GRIA2: variants seen among roughly 807,000 people sequenced by gnomAD.
GRIA2 encodes the protein glutamate ionotropic receptor AMPA type subunit 2.
GRIA2 carries 14 observed loss-of-function variants against 97.3 expected under a neutral mutation model. The observed-to-expected ratio is 0.14, with a 90% CI of 0.10 to 0.23. GRIA2 has a LOEUF of 0.23. Among genes scored for constraint, GRIA2 ranks in the 10% least tolerant of loss-of-function variants. The pLI, the probability that GRIA2 is intolerant of heterozygous loss-of-function variation, is 1.00. For missense variants in GRIA2, 558 were observed against 1,069.8 expected (o/e 0.52, Z 6.67); for synonymous variants, 412 against 387.8 (o/e 1.06, Z -0.73).
intron 11 of GRIA2, among the ~76,000 whole-genome samples, chr4:157,337,994 G>GTA (rs1579374788): frequency 1.5e-5 from 2 of 136,720 alleles, no homozygotes; most frequent in East Asian, 4.3e-4. Context: ...TGACATATGT[G>GTA]TGTATATATA....
At chr4:157,279,530 G>A (rs1732499217) in intron 2 of GRIA2, among the ~76,000 whole-genome samples, 4 of 152,182 alleles carry the variant, frequency 2.6e-5, no homozygotes, top group African/African-American at 9.6e-5. Flanking sequence ...TGTAACAAAT[G>A]TAATACTACT....
chr4:157,273,649 A>C (rs1388785361), intron 2 of GRIA2, among the ~76,000 whole-genome samples: 1 of 152,090 alleles, frequency 6.6e-6, no homozygotes, highest in Non-Finnish European at 1.5e-5. Context: ...ATCTGAACTT[A>C]AGGTTATGTC....
At chr4:157,291,293 T>C (rs1019815380) in intron 2 of GRIA2, among the ~76,000 whole-genome samples, 1 of 152,010 alleles carries the variant, frequency 6.6e-6, no homozygotes, top group Non-Finnish European at 1.5e-5. Flanking sequence ...TCTTCTGGCC[T>C]TTACTAATGA....
chr4:157,273,133 T>A (rs1732110884), intron 2 of GRIA2, among the ~76,000 whole-genome samples: 1 of 152,076 alleles, frequency 6.6e-6, no homozygotes, highest in Non-Finnish European at 1.5e-5. Flanking sequence ...ATTATATTAG[T>A]TATTATAAGT....
At chr4:157,293,174 AT>A (rs1733183194) in intron 2 of GRIA2, among the ~76,000 whole-genome samples, 2 of 152,144 alleles carry the variant, frequency 1.3e-5, no homozygotes, top group Admixed American at 6.6e-5. Context: ...CCAGCATAAG[AT>A]TTGACCAACC....
intron 6 of GRIA2, among the ~76,000 whole-genome samples, chr4:157,326,194 T>A (rs576080993): frequency 6.6e-6 from 1 of 152,152 alleles, no homozygotes; most frequent in Non-Finnish European, 1.5e-5. Flanking sequence ...TTTGCATGGC[T>A]AAGTCTCCTG....
chr4:157,244,653 G>C (rs978069379), intron 2 of GRIA2, among the ~76,000 whole-genome samples: 8 of 152,008 alleles, frequency 5.3e-5, no homozygotes, highest in Admixed American at 4.6e-4. Flanking sequence ...ATATAAAAGA[G>C]GCTACTGATA....
intron 2 of GRIA2, among the ~76,000 whole-genome samples, chr4:157,260,128 C>T (rs906878330): frequency 6.6e-6 from 1 of 151,998 alleles, no homozygotes; most frequent in Non-Finnish European, 1.5e-5. Context: ...TGTTCTACTC[C>T]TTTTGAAAGT....
intron 2 of GRIA2, among the ~76,000 whole-genome samples, chr4:157,226,635 A>C (rs1404871296): frequency 6.6e-6 from 1 of 152,080 alleles, no homozygotes; most frequent in Admixed American, 6.5e-5. Context: ...CTAAGACTTT[A>C]TTGCACTTGG....
At chr4:157,259,239 T>C (rs1458914179) in intron 2 of GRIA2, among the ~76,000 whole-genome samples, 1 of 151,814 alleles carries the variant, frequency 6.6e-6, no homozygotes, top group Non-Finnish European at 1.5e-5. Context: ...AAAATATAAA[T>C]AAATAAAGTG....
chr4:157,336,898 T>A (rs764229621), intron 11 of GRIA2, 151 bp downstream of exon 11: 7 of 693,356 alleles, frequency 1.0e-5, no homozygotes, highest in Non-Finnish European at 1.7e-5. Flanking sequence ...AGCTTCGGCA[T>A]AAGTCTGTGA....
intron 12 of GRIA2, among the ~76,000 whole-genome samples, chr4:157,355,779 ATT>A (rs1491392881): frequency 1.4e-5 from 1 of 72,090 alleles, no homozygotes; most frequent in Non-Finnish European, 2.8e-5. Flanking sequence ...ATATTTATAT[ATT>A]TATATATATT....
intron 4 of GRIA2, among the ~76,000 whole-genome samples, chr4:157,313,728 T>C (rs559850645): frequency 1.4e-3 from 219 of 152,148 alleles, no homozygotes; most frequent in African/African-American, 5.0e-3. Context: ...TGTGTGTGTG[T>C]GTGAGTATGA....
intron 2 of GRIA2, among the ~76,000 whole-genome samples, chr4:157,240,219 C>T (rs1730443786): frequency 6.6e-6 from 1 of 152,106 alleles, no homozygotes; most frequent in African/African-American, 2.4e-5. Flanking sequence ...TGAAATCCCT[C>T]ATTGATAGCT....
intron 4 of GRIA2, among the ~76,000 whole-genome samples, chr4:157,315,796 C>T (rs913899159): frequency 6.6e-6 from 1 of 152,084 alleles, no homozygotes; most frequent in Non-Finnish European, 1.5e-5. Flanking sequence ...GCCTTGGCCT[C>T]CCAAAGTGCT....
intron 2 of GRIA2, among the ~76,000 whole-genome samples, chr4:157,246,220 ACT>A (rs1383441807): frequency 6.6e-6 from 1 of 152,010 alleles, no homozygotes; most frequent in East Asian, 1.9e-4. Context: ...AGGAATTCTA[ACT>A]CTGCTACTTA....
chr4:157,277,677 G>A (rs529736257), intron 2 of GRIA2, among the ~76,000 whole-genome samples: 1 of 151,370 alleles, frequency 6.6e-6, no homozygotes, highest in African/African-American at 2.4e-5. Context: ...TTATGGCAAG[G>A]TTGCAGGATT....
chr4:157,311,269 A>G (rs1734068705), intron 3 of GRIA2, among the ~76,000 whole-genome samples: 1 of 152,088 alleles, frequency 6.6e-6, no homozygotes. Flanking sequence ...TTTTTAAAAC[A>G]TAATTTCATA....
chr4:157,238,554 C>A (rs1730353177), intron 2 of GRIA2, among the ~76,000 whole-genome samples: 1 of 152,258 alleles, frequency 6.6e-6, no homozygotes, highest in African/African-American at 2.4e-5. Context: ...AGCAGAACTG[C>A]ATTAAAGCCA....
Sources: allele counts gnomAD v4.1 joint callset (sites outside exome capture counted in the v4.1 genomes callset), GRCh38; gene constraint gnomAD v4.1.1; transcripts MANE v1.5; gene names NCBI Gene and HGNC (gene_info 2026-07-23, HGNC 2026-07-21).